Variants in PHACTR2 observed in about 807,000 individuals in gnomAD.
PHACTR2 encodes chromosome 6 open reading frame 56.
A neutral mutation model predicts 76.0 loss-of-function variants in PHACTR2; 30 were observed. The observed-to-expected ratio is 0.39, with a 90% CI of 0.30 to 0.54. PHACTR2 has a LOEUF of 0.54. PHACTR2 is among the 20% of genes least tolerant of loss of function. The pLI, the probability that PHACTR2 is intolerant of heterozygous loss-of-function variation, is 0.61. For missense variants in PHACTR2, 696 were observed against 781.1 expected (o/e 0.89, Z 1.30); for synonymous variants, 292 against 292.5 (o/e 1.00, Z 0.02).
At position 143,645,655 on chromosome 6, in the gene PHACTR2, A is replaced by G. The variant is rs902246766; in HGVS notation, c.13+37333A>G. On this transcript the variant is annotated intron_variant, in intron 1 of 11. Coordinates refer to the PHACTR2 transcript ENST00000305766. ...CTATATTAAGAATGTTCTGGTATTT[A>G]TAGTTCTCTGTCTTTTCCATTCTTG... Among the ~76,000 whole-genome samples the G allele has an allele frequency of 1.1e-4, 17 of 152,234 alleles. 1 individual carries two copies. The highest frequency in any genetic ancestry group is 1.1e-3 in the Admixed American group (17 of 15,290).
rs898729172 is a variant in PHACTR2 at position 143,751,398 on chromosome 6, T to C, written c.295+2333T>C. On this transcript the variant is annotated intron_variant, in intron 3 of 12. Coordinates refer to ENST00000440869, the MANE Select transcript of PHACTR2 (RefSeq NM_001100164.2). This position sits in a 1 kb window ranked among gnomAD's most constrained non-coding sequence, Gnocchi z 5.7. ...AGTTTGCTGCTTACCTCTGCTTTTT[T>C]CCCTCCATCTTTTCCCTTAGCTTTT... 3.7e-4 allele frequency among the ~76,000 whole-genome samples: 57 copies of C among 152,326 alleles called. No homozygotes were observed. Among genetic ancestry groups the C allele is most frequent in the African/African-American group, 1.1e-3 (47 of 41,574 alleles).
In PHACTR2 at chr6:143,827,514, G is replaced by A. The variant is rs1355892519; in HGVS notation, c.*3825G>A. Reference sequence around the variant, plus strand: ...AGAGCAAGAAATCTTCCTCAGAGTAGGTGGTATGAAATTAAACTAGTACAA... The same window carrying A: ...AGAGCAAGAAATCTTCCTCAGAGTAAGTGGTATGAAATTAAACTAGTACAA... On this transcript the variant is annotated 3_prime_UTR_variant, in exon 13 of 13. Coordinates refer to ENST00000440869, the MANE Select transcript of PHACTR2 (RefSeq NM_001100164.2). 1 of 151,884 alleles carries A rather than the reference G, an allele frequency of 6.6e-6. No individual in the cohort carries two copies. The highest frequency in any genetic ancestry group is 2.4e-5 in the African/African-American group (1 of 41,354). The allele number at this position is 151,884 out of a possible 1,614,324, so 9.4% of individuals were successfully genotyped here.
chr6:143,722,661 A>G lies in PHACTR2; in HGVS notation c.214+10478A>G, dbSNP rs1778468942. On this transcript the variant is annotated intron_variant, in intron 2 of 12. Coordinates refer to ENST00000440869, the MANE Select transcript of PHACTR2 (RefSeq NM_001100164.2). This position sits in a 1 kb window ranked among gnomAD's most constrained non-coding sequence, Gnocchi z 4.1. ...TCTTTTAGTTATTTTGAGATATACA[A>G]TATTGTTAGCTATAGTCACCCCATT... Among the ~76,000 whole-genome samples, 1 of 152,138 alleles carries G rather than the reference A, an allele frequency of 6.6e-6. No individual in the cohort carries two copies. The highest frequency in any genetic ancestry group is 1.5e-5 in the Non-Finnish European group (1 of 68,026).
chr6:143,783,943 C>A lies in PHACTR2; in HGVS notation c.1707+663C>A, dbSNP rs1775490420. ...GCTGAGGCAGGAGGATTGCTTGAGC[C>A]CAGGAGGTCAAGACCAGCCTGGACA... is the stretch of plus-strand genomic sequence containing the variant. On this transcript the variant is annotated intron_variant, in intron 10 of 12. Transcript: ENST00000440869. The surrounding 1 kb of genome is among the most constrained non-coding windows in gnomAD (Gnocchi z 5.2). 6.6e-6 allele frequency among the ~76,000 whole-genome samples: 1 copy of A among 151,236 alleles called. No homozygotes were observed. Among genetic ancestry groups the A allele is most frequent in the Admixed American group, 6.6e-5 (1 of 15,212 alleles).
rs1221987429 is a variant in PHACTR2, at chr6:143,546,547, C to A, written c.217+9340C>A. Among the ~76,000 whole-genome samples the A allele has an allele frequency of 6.6e-6, 1 of 152,088 alleles. No homozygotes were observed. The highest frequency in any genetic ancestry group is 1.5e-5 in the Non-Finnish European group (1 of 68,010). On this transcript the variant is annotated intron_variant, in intron 1 of 11. Transcript: ENST00000367584. The surrounding 1 kb of genome is among the most constrained non-coding windows in gnomAD (Gnocchi z 4.9). ...ATCTTTTTTGTTTTATGTATATTTT[C>A]ACCTACCTGAATGTTTGGCATATCT...
Position 143,774,185 on chromosome 6 carries a change from TC to T in PHACTR2, c.1561del (p.Arg521AspfsTer8). On this transcript the variant is annotated frameshift_variant, in exon 8 of 13. Coordinates refer to ENST00000440869, the MANE Select transcript of PHACTR2 (RefSeq NM_001100164.2). LOFTEE classifies it high-confidence loss of function. The surrounding 1 kb of genome is among the most constrained non-coding windows in gnomAD (Gnocchi z 5.4). ...ACATCTGAAGAAGAGAGGCAGGAAA[TC>T]CGACAACAAATTGGAACCAAGTTAG... ...QRTSEEERQE[I>X]RQQIGTKLVR... 1 of 1,614,040 alleles carries T rather than the reference TC, an allele frequency of 6.2e-7. No homozygotes were observed. The highest frequency in any genetic ancestry group is 8.5e-7 in the Non-Finnish European group (1 of 1,179,938).
rs1361714036 is a variant in PHACTR2, at chr6:143,828,236, T to C, written c.*4547T>C. 6.6e-6 allele frequency: 1 copy of C among 152,108 alleles called. No individual in the cohort carries two copies. Among genetic ancestry groups the C allele is most frequent in the Non-Finnish European group, 1.5e-5 (1 of 68,012 alleles). 9.4% of individuals were successfully genotyped at this position (152,108 alleles called of 1,614,324 possible). ...AATGACAGAGTAATCACCAAATTAA[T>C]AGGAACATCTTTCTAGAGAAAGTAC... On this transcript the variant is annotated 3_prime_UTR_variant, in exon 13 of 13. Coordinates refer to ENST00000440869, the MANE Select transcript of PHACTR2 (RefSeq NM_001100164.2). This position sits in a 1 kb window ranked among gnomAD's most constrained non-coding sequence, Gnocchi z 4.7.
rs9376791 is a variant in PHACTR2, at chr6:143,807,549, T to C, written c.1922+416T>C. ...GTTCCTTTCTTCGTTTTTTTCTGGG[T>C]CTGAAGACATCATTTATTCTGCTCT... On this transcript the variant is annotated intron_variant, in intron 12 of 12. Coordinates refer to ENST00000440869, the MANE Select transcript of PHACTR2 (RefSeq NM_001100164.2). This position sits in a 1 kb window ranked among gnomAD's most constrained non-coding sequence, Gnocchi z 5.5. 0.39 allele frequency among the ~76,000 whole-genome samples: 58,811 copies of C among 152,050 alleles called. 11,526 individuals are homozygous for C. The highest frequency in any genetic ancestry group is 0.48 in the South Asian group (2,293 of 4,822).
rs1417386116 is a variant in PHACTR2 at position 143,827,277 on chromosome 6, A to T, written c.*3588A>T. 2 of 149,546 alleles carry T rather than the reference A, an allele frequency of 1.3e-5. No individual in the cohort carries two copies. Among genetic ancestry groups the T allele is most frequent in the Non-Finnish European group, 3.0e-5 (2 of 67,524 alleles). 9.3% of individuals were successfully genotyped at this position (149,546 alleles called of 1,614,324 possible). ...CATTGCATATTCTGATATGTACCAT[A>T]TTAACACATAACAGGCATTTTATTT... On this transcript the variant is annotated 3_prime_UTR_variant, in exon 13 of 13. Coordinates refer to ENST00000440869, the MANE Select transcript of PHACTR2 (RefSeq NM_001100164.2).
intron 1 of PHACTR2, among the ~76,000 whole-genome samples, chr6:143,630,573 A>G (rs1776347310): frequency 6.6e-6 from 1 of 152,214 alleles, no homozygotes; most frequent in Admixed American, 6.5e-5. Context: ...TTAACCTTTC[A>G]AAGCCCCATT....
upstream of PHACTR2, among the ~76,000 whole-genome samples, chr6:143,606,569 C>T (rs995998823): frequency 1.3e-5 from 2 of 152,168 alleles, no homozygotes; most frequent in Non-Finnish European, 2.9e-5. Flanking sequence ...TTCTTAGCTA[C>T]TCCTTACCCA....
intron 1 of PHACTR2, among the ~76,000 whole-genome samples, chr6:143,691,176 G>A (rs771894025): frequency 6.6e-6 from 1 of 152,112 alleles, no homozygotes; most frequent in Non-Finnish European, 1.5e-5. Context: ...TAGTGGTACT[G>A]TACAGATGGT....
intron 11 of PHACTR2, among the ~76,000 whole-genome samples, chr6:143,799,975 G>A (rs1775915303): frequency 6.6e-6 from 1 of 152,228 alleles, no homozygotes; most frequent in Non-Finnish European, 1.5e-5. Context: ...AGTATTGACA[G>A]TGGGGTGTTA....
At chr6:143,622,092 G>T (rs1374947448) in intron 1 of PHACTR2, among the ~76,000 whole-genome samples, 1 of 152,228 alleles carries the variant, frequency 6.6e-6, no homozygotes, top group Non-Finnish European at 1.5e-5. Flanking sequence ...GCTGGAGTTT[G>T]TGAATTTTTT....
chr6:143,707,835 G>A (rs1778088009), intron 1 of PHACTR2, among the ~76,000 whole-genome samples: 1 of 152,142 alleles, frequency 6.6e-6, no homozygotes, highest in African/African-American at 2.4e-5. Context: ...TTAGCTTCTG[G>A]GAAGATCTCA....
Position 143,541,290 on chromosome 6 carries a change from G to C in PHACTR2, c.217+4083G>C, listed in dbSNP as rs1781169111. On this transcript the variant is annotated intron_variant, in intron 1 of 11. Coordinates refer to the PHACTR2 transcript ENST00000367584. This position sits in a 1 kb window ranked among gnomAD's most constrained non-coding sequence, Gnocchi z 5.3. ...GCTGTTCTGATAAGCACAGTGTTTA[G>C]TAAGTAAAGAACCTGAAGACACACA... is the stretch of plus-strand genomic sequence containing the variant. 6.6e-6 allele frequency among the ~76,000 whole-genome samples: 1 copy of C among 152,192 alleles called. No individual in the cohort carries two copies. The highest frequency in any genetic ancestry group is 2.1e-4 in the South Asian group (1 of 4,820).
At chr6:143,736,614 A>G (rs373856991) in intron 2 of PHACTR2, among the ~76,000 whole-genome samples, 4 of 108,072 alleles carry the variant, frequency 3.7e-5, no homozygotes, top group African/African-American at 1.5e-4. Context: ...TTGCTCTGTC[A>G]CCCAGGCTGG....
rs751723026 is a variant in PHACTR2, at chr6:143,777,311, C to A, written c.1590-17C>A. ...ACCTTGTTTTTAACCTGTAATATAT[C>A]CTTTTTGTCATCATAGGAGGCTGAG... is the stretch of plus-strand genomic sequence containing the variant. On this transcript the variant is annotated splice_polypyrimidine_tract_variant and intron_variant, in intron 8 of 12. Coordinates refer to ENST00000440869, the MANE Select transcript of PHACTR2 (RefSeq NM_001100164.2). The surrounding 1 kb of genome is among the most constrained non-coding windows in gnomAD (Gnocchi z 4.6). The A allele has an allele frequency of 5.2e-6, 8 of 1,524,720 alleles. No homozygotes were observed. In the African/African-American group the frequency reaches 9.6e-5, roughly 18 times the overall value. The allele number at this position is 1,524,720 out of a possible 1,614,324, so 94.4% of individuals were successfully genotyped here. A position where few individuals can be genotyped will look rare whatever the true frequency, so the allele number is the denominator to read the frequency against.
In PHACTR2 at chr6:143,772,849, G is replaced by A. The variant is rs1420028658; in HGVS notation, c.1432+392G>A. Among the ~76,000 whole-genome samples, 1 of 152,188 alleles carries A rather than the reference G, an allele frequency of 6.6e-6. No homozygotes were observed. The highest frequency in any genetic ancestry group is 1.5e-5 in the Non-Finnish European group (1 of 68,036). On this transcript the variant is annotated intron_variant, in intron 7 of 12. Coordinates refer to ENST00000440869, the MANE Select transcript of PHACTR2 (RefSeq NM_001100164.2). This position sits in a 1 kb window ranked among gnomAD's most constrained non-coding sequence, Gnocchi z 5.4. ...ATTCATAGGCTTACTCATTGGAGGT[G>A]TTTGAAATTTTCACTCGCTTTTGTA...
Sources: gnomAD v4.1 joint callset for allele counts (sites outside exome capture counted in the v4.1 genomes callset) on GRCh38, gnomAD v4.1.1 for gene constraint, Gnocchi (gnomAD v3.1) non-coding constraint, MANE v1.5 for transcripts, NCBI Gene and HGNC (gene_info 2026-07-23, HGNC 2026-07-21) for gene names.